Variants in XIRP2 observed in about 807,000 individuals in gnomAD.
The protein encoded by XIRP2 is xin actin-binding repeat-containing protein 2.
Under a neutral mutation model 277.0 loss-of-function variants are expected in XIRP2, and 236 were observed. The observed-to-expected ratio is 0.85, with a 90% CI of 0.77 to 0.95. XIRP2 has a LOEUF of 0.95. XIRP2 is among the 40% of genes least tolerant of loss of function. XIRP2 has a pLI of 0.00. For synonymous variants in XIRP2, 1,490 were observed against 1,416.5 expected, an observed-to-expected ratio of 1.05 and a Z score of -1.17; for missense variants, 4,640 against 4,157.5, an observed-to-expected ratio of 1.12 and a Z score of -3.19.
chr2:167,106,899 C>A (rs184866051), intron 2 of XIRP2, among the ~76,000 whole-genome samples: 3 of 150,930 alleles, frequency 2.0e-5, no homozygotes, highest in Admixed American at 6.6e-5. Flanking sequence ...TTTATATTTA[C>A]GTGTATTTTG....
chr2:167,187,482 G>C (rs1205151084), intron 3 of XIRP2: 2 of 985,126 alleles, frequency 2.0e-6, no homozygotes, highest in Admixed American at 6.2e-5. Flanking sequence ...GAACTATAAA[G>C]ATATATGATA....
chr2:167,146,926 A>G (rs1365311022), intron 3 of XIRP2, among the ~76,000 whole-genome samples: 71 of 152,206 alleles, frequency 4.7e-4, no homozygotes, highest in Admixed American at 4.6e-3. Flanking sequence ...CCAACTGCTC[A>G]ATAGTAAAAA....
chr2:166,973,604 A>G (rs1359140462), intron 2 of XIRP2, among the ~76,000 whole-genome samples: 4 of 152,182 alleles, frequency 2.6e-5, no homozygotes, highest in Non-Finnish European at 5.9e-5. Flanking sequence ...GGTTCTTACC[A>G]AAGTGTGTTT....
chr2:167,182,818 T>C (rs1693053665), intron 3 of XIRP2, among the ~76,000 whole-genome samples: 1 of 152,156 alleles, frequency 6.6e-6, no homozygotes, highest in Non-Finnish European at 1.5e-5. Flanking sequence ...TAAAGGAAAA[T>C]TAAAGAAAGA....
chr2:167,259,361 T>C lies in XIRP2; in HGVS notation c.*1544T>C. On this transcript the variant is annotated 3_prime_UTR_variant, in exon 11 of 11. Coordinates refer to ENST00000409195, the MANE Select transcript of XIRP2 (RefSeq NM_152381.6). ...AAACAGGTGCTACAGTGACACTGAG[T>C]AAAATATCTATGGCCACTGACAGTC... 1 of 1,598,016 alleles carries C rather than the reference T, an allele frequency of 6.3e-7. No homozygotes were observed. The highest frequency in any genetic ancestry group is 1.1e-5 in the South Asian group (1 of 88,126).
intron 3 of XIRP2, among the ~76,000 whole-genome samples, chr2:167,178,150 A>G (rs958508567): frequency 1.3e-5 from 2 of 152,082 alleles, no homozygotes; most frequent in Non-Finnish European, 1.5e-5. Context: ...TTTTATTCAA[A>G]TATGAACACA....
At chr2:167,043,858 T>C (rs1688724419) in intron 2 of XIRP2, among the ~76,000 whole-genome samples, 1 of 151,994 alleles carries the variant, frequency 6.6e-6, no homozygotes, top group Non-Finnish European at 1.5e-5. Context: ...AGTATTATGA[T>C]ACTGAATATT....
chr2:167,150,172 CTAA>C (rs1691974268), intron 3 of XIRP2, among the ~76,000 whole-genome samples: 1 of 151,792 alleles, frequency 6.6e-6, no homozygotes, highest in Non-Finnish European at 1.5e-5. Context: ...GGTAGCACTA[CTAA>C]TAATTGAGGA....
intron 2 of XIRP2, among the ~76,000 whole-genome samples, chr2:167,004,697 T>G (rs1687461570): frequency 6.6e-6 from 1 of 151,776 alleles, no homozygotes; most frequent in African/African-American, 2.4e-5. Flanking sequence ...ATGGACAAGG[T>G]GAGATTGTGG....
intron 3 of XIRP2, among the ~76,000 whole-genome samples, chr2:167,167,855 C>T (rs1178691792): frequency 6.6e-6 from 1 of 151,986 alleles, no homozygotes; most frequent in African/African-American, 2.4e-5. Flanking sequence ...TTATGTAGAT[C>T]CACCTTTCTG....
In XIRP2 at chr2:167,249,838, C is replaced by A; in HGVS notation, c.8446C>A (p.Pro2816Thr). 1.9e-6 allele frequency: 3 copies of A among 1,613,312 alleles called. No homozygotes were observed. The highest frequency in any genetic ancestry group is 2.5e-6 in the Non-Finnish European group (3 of 1,179,678). ...EFSGSDRGKL[P>T]GSEEKNQGPS... ...TAGCGGATCTGACAGAGGGAAACTT[C>A]CAGGAAGTGAAGAAAAAAATCAGGG... Residue 2816 changes from proline to threonine, a missense_variant, in exon 9 of 11, where the codon CCA (proline) becomes ACA (threonine). Coordinates refer to ENST00000409195, the MANE Select transcript of XIRP2 (RefSeq NM_152381.6).
chr2:167,022,765 C>A (rs1420452303), intron 2 of XIRP2, among the ~76,000 whole-genome samples: 9 of 152,142 alleles, frequency 5.9e-5, no homozygotes, highest in Non-Finnish European at 1.3e-4. Context: ...CATGTCCCTA[C>A]AAAGGACATG....
intron 2 of XIRP2, among the ~76,000 whole-genome samples, chr2:167,023,937 G>A (rs1181541401): frequency 1.3e-5 from 2 of 151,976 alleles, no homozygotes; most frequent in South Asian, 2.1e-4. Context: ...TTGGTGATGC[G>A]GGCTCTTTTT....
intron 2 of XIRP2, among the ~76,000 whole-genome samples, chr2:166,972,064 G>C (rs1329230935): frequency 6.6e-6 from 1 of 152,096 alleles, no homozygotes; most frequent in East Asian, 1.9e-4. Flanking sequence ...GAGGTGATTA[G>C]ATTTAGATGA....
intron 2 of XIRP2, 71 bp from the exon 3 acceptor site, chr2:167,135,838 A>AC (rs1691529676): frequency 1.8e-5 from 25 of 1,367,252 alleles, no homozygotes; most frequent in Non-Finnish European, 2.1e-5. Context: ...CTGCCTTCTA[A>AC]CCCCCCTAAA....
At chr2:167,096,335 T>C (rs911249594) in intron 2 of XIRP2, among the ~76,000 whole-genome samples, 2 of 152,206 alleles carry the variant, frequency 1.3e-5, no homozygotes, top group Admixed American at 6.5e-5. Flanking sequence ...TTTATTTGCA[T>C]AGAGATGTTT....
intron 10 of XIRP2, 68 bp from the exon 11 acceptor site, chr2:167,257,789 T>C: frequency 1.4e-6 from 2 of 1,470,784 alleles, no homozygotes; most frequent in Non-Finnish European, 1.8e-6. Context: ...ATTGAAATAA[T>C]TAATCCCCAA....
At chr2:166,899,548 G>T (rs1451768631) in intron 1 of XIRP2, among the ~76,000 whole-genome samples, 1 of 151,912 alleles carries the variant, frequency 6.6e-6, no homozygotes, top group Non-Finnish European at 1.5e-5. Flanking sequence ...TTTTAGTATA[G>T]GTTTACCAGC....
chr2:166,937,622 G>T (rs561452698), intron 2 of XIRP2, among the ~76,000 whole-genome samples: 1 of 152,174 alleles, frequency 6.6e-6, no homozygotes, highest in African/African-American at 2.4e-5. Flanking sequence ...AATGAGTTAG[G>T]GAGGATTCCC....
Sources: allele counts gnomAD v4.1 joint callset (sites outside exome capture counted in the v4.1 genomes callset), GRCh38; gene constraint gnomAD v4.1.1; transcripts MANE v1.5; gene names NCBI Gene and HGNC (gene_info 2026-07-23, HGNC 2026-07-21).